Variants in SCP2 observed in about 807,000 individuals in gnomAD.
SCP2 encodes sterol carrier protein 2, also known as SCP-2/3-oxoacyl-CoA thiolase.
SCP2 carries 48 observed loss-of-function variants against 71.4 expected under a neutral mutation model. That is an observed-to-expected ratio of 0.67 (90% CI 0.53 to 0.86). SCP2 has a LOEUF of 0.86. Ranked by LOEUF, SCP2 falls within the 40% of genes least tolerant of loss-of-function variation. The pLI is 0.00. For synonymous variants in SCP2, 220 were observed against 218.1 expected, an observed-to-expected ratio of 1.01 and a Z score of -0.08; for missense variants, 560 against 655.6, an observed-to-expected ratio of 0.85 and a Z score of 1.59.
chr1:52,956,176 C>A (rs530396601), intron 5 of SCP2, among the ~76,000 whole-genome samples: 1 of 152,032 alleles, frequency 6.6e-6, no homozygotes, highest in South Asian at 2.1e-4. Context: ...TGGTGATATG[C>A]GCCCGTAATC....
intron 4 of SCP2, 112 bp from the exon 5 acceptor site, chr1:52,954,628 G>T: frequency 1.1e-6 from 1 of 902,680 alleles, no homozygotes; most frequent in East Asian, 2.5e-5. Context: ...GGGACTATAA[G>T]TTCGAGCCAT....
chr1:52,952,506 A>G (rs1655405886), intron 4 of SCP2, among the ~76,000 whole-genome samples: 2 of 152,200 alleles, frequency 1.3e-5, no homozygotes, highest in South Asian at 4.1e-4. Context: ...GGATGGCTAC[A>G]CCACATTTCT....
intron 8 of SCP2, among the ~76,000 whole-genome samples, chr1:52,977,486 G>A (rs1658082652): frequency 6.6e-6 from 1 of 152,196 alleles, no homozygotes; most frequent in Non-Finnish European, 1.5e-5. Context: ...GTATTCCCAA[G>A]CTATCTTTTC....
chr1:52,978,471 C>A, intron 9 of SCP2, 104 bp downstream of exon 9: 1 of 906,020 alleles, frequency 1.1e-6, no homozygotes, highest in Non-Finnish European at 1.7e-6. Flanking sequence ...ATTAACTAGA[C>A]ATGCTATTTG....
At chr1:53,019,948 A>T (rs1661600331) in intron 12 of SCP2, among the ~76,000 whole-genome samples, 1 of 152,144 alleles carries the variant, frequency 6.6e-6, no homozygotes, top group East Asian at 1.9e-4. Flanking sequence ...GCGCAGTAGC[A>T]CATTCTCAGC....
chr1:53,022,578 T>C (rs1013799061), intron 12 of SCP2, among the ~76,000 whole-genome samples: 4 of 152,210 alleles, frequency 2.6e-5, no homozygotes, highest in African/African-American at 9.6e-5. Flanking sequence ...TCTTTCACAA[T>C]CACTTTTTGA....
chr1:52,969,121 G>A (rs767379761), intron 6 of SCP2, among the ~76,000 whole-genome samples: 15 of 151,258 alleles, frequency 9.9e-5, no homozygotes, highest in Non-Finnish European at 2.2e-4. Context: ...AGAAGAGGTG[G>A]AAGAGGAGGC....
chr1:53,017,812 T>G (rs911283877), intron 12 of SCP2, among the ~76,000 whole-genome samples: 4 of 152,168 alleles, frequency 2.6e-5, no homozygotes, highest in African/African-American at 9.7e-5. Flanking sequence ...GAAAAATTGT[T>G]GGAGTAGTAG....
intron 11 of SCP2, among the ~76,000 whole-genome samples, chr1:53,000,311 A>G (rs540858945): frequency 6.6e-6 from 1 of 152,032 alleles, no homozygotes; most frequent in East Asian, 1.9e-4. Context: ...ATTCTTAGCT[A>G]TCTCTACTTT....
chr1:52,995,675 CA>C, intron 11 of SCP2: 1 of 715,558 alleles, frequency 1.4e-6, no homozygotes, highest in Non-Finnish European at 2.6e-6. Context: ...TGTCCATGAG[CA>C]GTTGCTCAAC....
chr1:52,944,504 C>T (rs1247619646), intron 2 of SCP2, among the ~76,000 whole-genome samples: 2 of 152,058 alleles, frequency 1.3e-5, no homozygotes, highest in Non-Finnish European at 2.9e-5. Context: ...TTATCTTCTG[C>T]GTTGTTAAAT....
At chr1:53,022,676 C>T (rs1294012909) in intron 12 of SCP2, among the ~76,000 whole-genome samples, 1 of 152,144 alleles carries the variant, frequency 6.6e-6, no homozygotes, top group Non-Finnish European at 1.5e-5. Flanking sequence ...TTAGGTATTT[C>T]TGTTTATAGA....
chr1:52,983,059 A>T (rs895229016), intron 10 of SCP2, among the ~76,000 whole-genome samples: 11 of 152,164 alleles, frequency 7.2e-5, no homozygotes, highest in Non-Finnish European at 1.2e-4. Flanking sequence ...GTTTTCCTTC[A>T]ACTGAAAATG....
intron 1 of SCP2, among the ~76,000 whole-genome samples, chr1:52,933,185 C>G (rs1260947713): frequency 6.6e-6 from 1 of 152,184 alleles, no homozygotes; most frequent in South Asian, 2.1e-4. Flanking sequence ...AGGAAGTTAT[C>G]AAAGCCTACT....
intron 10 of SCP2, among the ~76,000 whole-genome samples, chr1:52,982,157 GTAGGA>G (rs1658561523): frequency 6.6e-6 from 1 of 151,980 alleles, no homozygotes; most frequent in East Asian, 1.9e-4. Context: ...CTTGTGCATG[GTAGGA>G]TATTCAGCAA....
At chr1:52,935,865 G>C (rs1014721783) in intron 1 of SCP2, among the ~76,000 whole-genome samples, 1 of 152,112 alleles carries the variant, frequency 6.6e-6, no homozygotes, top group African/African-American at 2.4e-5. Flanking sequence ...TCGAGCCCAG[G>C]AGTTTGAGGC....
chr1:52,931,236 C>T (rs1162540707), intron 1 of SCP2, among the ~76,000 whole-genome samples: 1 of 152,140 alleles, frequency 6.6e-6, no homozygotes, highest in Non-Finnish European at 1.5e-5. Context: ...AGCAGAGAGA[C>T]CACTACCTAA....
intron 14 of SCP2, among the ~76,000 whole-genome samples, chr1:53,044,809 G>A (rs1663682967): frequency 6.6e-6 from 1 of 152,172 alleles, no homozygotes; most frequent in South Asian, 2.1e-4. Flanking sequence ...TTTGGACAAG[G>A]TAGACATGGC....
At position 53,047,840 on chromosome 1, in the gene SCP2, C is replaced by T. The variant is rs1205254189; in HGVS notation, c.1469-18C>T. 1.9e-6 allele frequency: 3 copies of T among 1,572,514 alleles called. No individual in the cohort carries two copies. The highest frequency in any genetic ancestry group is 1.7e-5 in the Admixed American group (1 of 59,970). On this transcript the variant is annotated intron_variant, in intron 14 of 15. Coordinates refer to ENST00000371514, the MANE Select transcript of SCP2 (RefSeq NM_002979.5). ...AACACCTCCTATTCTCCTTCCTTCT[C>T]CTGTGTATCTGTTTTAGATAAGAAG...
Sources: allele counts gnomAD v4.1 joint callset (sites outside exome capture counted in the v4.1 genomes callset), GRCh38; gene constraint gnomAD v4.1.1; transcripts MANE v1.5; gene names NCBI Gene and HGNC (gene_info 2026-07-23, HGNC 2026-07-21).